The following SLC4A4 variants were observed in gnomAD, a reference collection of about 807,000 sequenced individuals.
The protein encoded by SLC4A4 is solute carrier family 4 member 4.
SLC4A4 carries 27 observed loss-of-function variants against 111.5 expected under a neutral mutation model. The observed-to-expected ratio is 0.24, with a 90% CI of 0.18 to 0.33. SLC4A4 has a LOEUF of 0.33. Ranked by LOEUF, SLC4A4 falls within the 10% of genes least tolerant of loss-of-function variation. The pLI is 1.00. For synonymous variants in SLC4A4, 443 were observed against 463.4 expected, an observed-to-expected ratio of 0.96 and a Z score of 0.57; for missense variants, 909 against 1,315.5, an observed-to-expected ratio of 0.69 and a Z score of 4.78.
intron 1 of SLC4A4, among the ~76,000 whole-genome samples, chr4:71,216,831 T>C (rs139771361): frequency 6.6e-6 from 1 of 152,300 alleles, no homozygotes; most frequent in African/African-American, 2.4e-5. Flanking sequence ...TGGGAGAAAT[T>C]AAGGACTTGC....
intron 6 of SLC4A4, among the ~76,000 whole-genome samples, chr4:71,395,595 CAA>C (rs892814162): frequency 5.3e-5 from 8 of 152,160 alleles, no homozygotes; most frequent in Non-Finnish European, 1.0e-4. Flanking sequence ...TCACATCAAT[CAA>C]GATTACAATT....
intron 2 of SLC4A4, among the ~76,000 whole-genome samples, chr4:71,153,540 A>G (rs1262790774): frequency 6.6e-6 from 1 of 152,084 alleles, no homozygotes; most frequent in African/African-American, 2.4e-5. Flanking sequence ...ATTGAGCTTC[A>G]CTTCCTTCAT....
Position 71,298,527 on chromosome 4 carries a change from C to T in SLC4A4, c.254-40843C>T, listed in dbSNP as rs150509427. Reference sequence around the variant, plus strand: ...TTTAAAAGAATAGTTTTATGAGTCACCAAATTTATAAATATGGTCAAATGT... The same window carrying T: ...TTTAAAAGAATAGTTTTATGAGTCATCAAATTTATAAATATGGTCAAATGT... On this transcript the variant is annotated intron_variant, in intron 3 of 25. Coordinates refer to ENST00000264485, the MANE Select transcript of SLC4A4 (RefSeq NM_001098484.3). Among the ~76,000 whole-genome samples the T allele has an allele frequency of 4.7e-3, 717 of 152,174 alleles. 5 individuals carry two copies. Among genetic ancestry groups the T allele is most frequent in the South Asian group, 0.017 (80 of 4,828 alleles).
intron 2 of SLC4A4, among the ~76,000 whole-genome samples, chr4:71,172,053 G>T (rs981443105): frequency 1.3e-5 from 2 of 152,016 alleles, no homozygotes; most frequent in Non-Finnish European, 2.9e-5. Flanking sequence ...CCAGGCTATT[G>T]GTTCCAAGAC....
intron 6 of SLC4A4, among the ~76,000 whole-genome samples, chr4:71,358,375 T>A (rs1435527803): frequency 6.6e-6 from 1 of 151,166 alleles, no homozygotes; most frequent in Non-Finnish European, 1.5e-5. Flanking sequence ...TTCATTGCCC[T>A]CAGCTGCACT....
intron 7 of SLC4A4, chr4:71,437,269 C>G: frequency 2.8e-6 from 1 of 362,866 alleles, no homozygotes; most frequent in South Asian, 2.7e-5. Context: ...AGTGAAGAAA[C>G]GGAAATGGGG....
At chr4:71,495,981 G>A (rs144940193) in intron 15 of SLC4A4, among the ~76,000 whole-genome samples, 281 of 152,154 alleles carry the variant, frequency 1.8e-3, no homozygotes, top group African/African-American at 6.5e-3. Flanking sequence ...ATGCAAGAAA[G>A]TGTTGTGCAT....
rs1030015678 is a variant in SLC4A4, at chr4:71,568,882, A to G, written c.*1131A>G. ...TCTTTAAAAGAAACTTAACTGTTCT[A>G]TGAAGGAGATTGAGGGAGAAGAGAC... On this transcript the variant is annotated 3_prime_UTR_variant, in exon 26 of 26. Coordinates refer to ENST00000264485, the MANE Select transcript of SLC4A4 (RefSeq NM_001098484.3). 4 of 151,938 alleles carry G rather than the reference A, an allele frequency of 2.6e-5. No individual in the cohort carries two copies. Among genetic ancestry groups the G allele is most frequent in the South Asian group, 4.1e-4 (2 of 4,824 alleles). The allele number at this position is 151,938 out of a possible 1,614,324, so 9.4% of individuals were successfully genotyped here. A position where few individuals can be genotyped will look rare whatever the true frequency, so the allele number is the denominator to read the frequency against.
At chr4:71,324,081 T>A (rs1727321298) in intron 3 of SLC4A4, among the ~76,000 whole-genome samples, 1 of 151,888 alleles carries the variant, frequency 6.6e-6, no homozygotes, top group African/African-American at 2.4e-5. Context: ...CAGCAAATTC[T>A]TGGGATGTTA....
intron 2 of SLC4A4, among the ~76,000 whole-genome samples, chr4:71,154,182 G>T (rs1401411318): frequency 1.3e-5 from 2 of 152,170 alleles, no homozygotes; most frequent in African/African-American, 2.4e-5. Flanking sequence ...TGCCTCTACA[G>T]ACTTGATAAC....
At chr4:71,436,339 G>A (rs367915506) in intron 7 of SLC4A4, among the ~76,000 whole-genome samples, 58 of 152,100 alleles carry the variant, frequency 3.8e-4, no homozygotes, top group African/African-American at 1.2e-3. Flanking sequence ...GTTCTCACTC[G>A]TAAGTGGGAG....
intron 2 of SLC4A4, among the ~76,000 whole-genome samples, chr4:71,101,436 T>C (rs559407950): frequency 6.6e-6 from 1 of 152,232 alleles, no homozygotes; most frequent in East Asian, 1.9e-4. Context: ...TCAATTATAT[T>C]AATTATATTC....
At chr4:71,226,949 T>C (rs1486594332) in intron 1 of SLC4A4, among the ~76,000 whole-genome samples, 1 of 152,078 alleles carries the variant, frequency 6.6e-6, no homozygotes, top group Non-Finnish European at 1.5e-5. Flanking sequence ...GTAGAAAAAC[T>C]TCAGAAAGAC....
intron 7 of SLC4A4, among the ~76,000 whole-genome samples, chr4:71,432,419 A>G (rs1214558263): frequency 6.6e-6 from 1 of 152,130 alleles, no homozygotes; most frequent in Non-Finnish European, 1.5e-5. Flanking sequence ...GACAATTTAT[A>G]ATTGCAACTT....
chr4:71,479,659 A>T (rs1200555009), intron 14 of SLC4A4, among the ~76,000 whole-genome samples: 1 of 151,778 alleles, frequency 6.6e-6, no homozygotes, highest in Non-Finnish European at 1.5e-5. Flanking sequence ...TCATAAACTA[A>T]TGGTAAAACA....
At chr4:71,233,195 C>G (rs779733794) in intron 1 of SLC4A4, 45 of 875,724 alleles carry the variant, frequency 5.1e-5, no homozygotes, top group Non-Finnish European at 6.2e-5. Flanking sequence ...ACTCTAGTGC[C>G]TTGGCTTGTG....
chr4:71,240,624 A>C (rs559065821), intron 2 of SLC4A4, among the ~76,000 whole-genome samples: 3 of 152,312 alleles, frequency 2.0e-5, no homozygotes, highest in Non-Finnish European at 4.4e-5. Context: ...AGTGTTGTTG[A>C]AAATGCATGG....
chr4:71,340,071 A>T (rs1728767357), intron 4 of SLC4A4, among the ~76,000 whole-genome samples: 1 of 152,036 alleles, frequency 6.6e-6, no homozygotes, highest in South Asian at 2.1e-4. Context: ...AAAAGAAAAA[A>T]AAATCAGCCG....
chr4:71,466,803 A>G (rs1191544697), intron 13 of SLC4A4, among the ~76,000 whole-genome samples: 1 of 151,684 alleles, frequency 6.6e-6, no homozygotes, highest in East Asian at 2.0e-4. Context: ...CTCCCTTCCC[A>G]CTTACTCTCT....
Sources: gnomAD v4.1 joint callset for allele counts (sites outside exome capture counted in the v4.1 genomes callset) on GRCh38, gnomAD v4.1.1 for gene constraint, MANE v1.5 for transcripts, NCBI Gene and HGNC (gene_info 2026-07-23, HGNC 2026-07-21) for gene names.